Variants in LRRC8C observed in about 807,000 individuals in gnomAD.
The protein encoded by LRRC8C is volume-regulated anion channel subunit LRRC8C.
In LRRC8C, 20 loss-of-function variants were observed where a neutral mutation model predicts 55.3. That is an observed-to-expected ratio of 0.36 (90% CI 0.25 to 0.53). The LOEUF (loss-of-function observed/expected upper bound fraction) is 0.53, where lower values mean the gene tolerates loss of function less well. Ranked by LOEUF, LRRC8C falls within the 20% of genes least tolerant of loss-of-function variation. The pLI is 0.92. For synonymous variants in LRRC8C, 376 were observed against 360.7 expected (o/e 1.04, Z -0.48); for missense variants, 659 against 951.4 (o/e 0.69, Z 4.04).
At chr1:89,711,732 C>G (rs1044271813) in intron 2 of LRRC8C, among the ~76,000 whole-genome samples, 1 of 152,194 alleles carries the variant, frequency 6.6e-6, no homozygotes, top group Non-Finnish European at 1.5e-5. Context: ...ATATTCTTTT[C>G]AACAAACTGA....
At chr1:89,707,508 G>T (rs1658517560) in intron 2 of LRRC8C, among the ~76,000 whole-genome samples, 1 of 152,044 alleles carries the variant, frequency 6.6e-6, no homozygotes, top group African/African-American at 2.4e-5. Flanking sequence ...CATGGTCCCA[G>T]TTTCTGCTTC....
At chr1:89,659,296 CA>C (rs1657051440) in intron 1 of LRRC8C, among the ~76,000 whole-genome samples, 1 of 152,042 alleles carries the variant, frequency 6.6e-6, no homozygotes, top group Non-Finnish European at 1.5e-5. Flanking sequence ...AGAAGGAATT[CA>C]ACTCAGTTTT....
intron 1 of LRRC8C, among the ~76,000 whole-genome samples, chr1:89,653,614 G>A (rs1326440215): frequency 6.6e-6 from 1 of 152,186 alleles, no homozygotes; most frequent in Admixed American, 6.5e-5. Flanking sequence ...AGACATGCTG[G>A]TGCCTTGGGT....
At chr1:89,627,958 A>G in the LRRC8C span, among the ~76,000 whole-genome samples, 1 of 152,202 alleles carries the variant, frequency 6.6e-6, no homozygotes, top group Non-Finnish European at 1.5e-5. Flanking sequence ...GGTATGCTCA[A>G]CTGGTAAGTA....
intron 1 of LRRC8C, among the ~76,000 whole-genome samples, chr1:89,674,819 T>A (rs1657510473): frequency 6.6e-6 from 1 of 152,242 alleles, no homozygotes; most frequent in Non-Finnish European, 1.5e-5. Context: ...TAGATTCCTG[T>A]AAAGATTAGC....
At chr1:89,620,241 C>G in the LRRC8C span, among the ~76,000 whole-genome samples, 3 of 152,172 alleles carry the variant, frequency 2.0e-5, no homozygotes, top group South Asian at 4.1e-4. Flanking sequence ...ATAGCCTAAT[C>G]ACTTCCCAAA....
intron 1 of LRRC8C, among the ~76,000 whole-genome samples, chr1:89,675,220 C>CT: frequency 6.6e-6 from 1 of 152,226 alleles, no homozygotes; most frequent in Admixed American, 6.5e-5. Context: ...AACAAAAAAC[C>CT]TTTTTTTGAG....
At chr1:89,701,217 C>G (rs1400537247) in intron 2 of LRRC8C, among the ~76,000 whole-genome samples, 2 of 152,168 alleles carry the variant, frequency 1.3e-5, no homozygotes, top group Non-Finnish European at 2.9e-5. Context: ...TGGCTCATGC[C>G]TGTAATCCCA....
intron 2 of LRRC8C, among the ~76,000 whole-genome samples, chr1:89,701,044 G>T (rs1418499872): frequency 6.6e-6 from 1 of 152,164 alleles, no homozygotes; most frequent in African/African-American, 2.4e-5. Flanking sequence ...CATTTTGGGG[G>T]TCCAAGGCAG....
At chr1:89,711,657 G>T (rs1282638702) in intron 2 of LRRC8C, among the ~76,000 whole-genome samples, 2 of 152,096 alleles carry the variant, frequency 1.3e-5, no homozygotes, top group East Asian at 1.9e-4. Flanking sequence ...CTTCAAAAAG[G>T]GTGCATTCAT....
chr1:89,663,963 G>T (rs1657188268), intron 1 of LRRC8C, among the ~76,000 whole-genome samples: 1 of 152,086 alleles, frequency 6.6e-6, no homozygotes, highest in African/African-American at 2.4e-5. Context: ...CCCACTTTTT[G>T]ATGGTGTTGA....
intron 2 of LRRC8C, 121 bp downstream of exon 2, chr1:89,686,732 A>T (rs1268965098): frequency 2.7e-6 from 3 of 1,116,866 alleles, no homozygotes; most frequent in Admixed American, 2.2e-5. Flanking sequence ...TTCTCTGTGG[A>T]TGTATTTGTA....
At chr1:89,687,650 G>C (rs1183706070) in intron 2 of LRRC8C, among the ~76,000 whole-genome samples, 1 of 152,126 alleles carries the variant, frequency 6.6e-6, no homozygotes, top group African/African-American at 2.4e-5. Context: ...CCAGGAGAGA[G>C]GCATAGGTCA....
At chr1:89,628,242 C>T (rs1353700072), upstream of LRRC8C, among the ~76,000 whole-genome samples, 1 of 152,046 alleles carries the variant, frequency 6.6e-6, no homozygotes, top group Non-Finnish European at 1.5e-5. Context: ...AGGGGTGATT[C>T]CTTTCCTTCC....
intron 2 of LRRC8C, among the ~76,000 whole-genome samples, chr1:89,706,791 C>G (rs1658493083): frequency 6.6e-6 from 1 of 152,124 alleles, no homozygotes; most frequent in African/African-American, 2.4e-5. Flanking sequence ...TCCCCTCCCC[C>G]ATAGAAAGCA....
chr1:89,712,372 C>T (rs1202192164), intron 2 of LRRC8C, among the ~76,000 whole-genome samples: 1 of 152,202 alleles, frequency 6.6e-6, no homozygotes, highest in Non-Finnish European at 1.5e-5. Flanking sequence ...CTTGGCCTCC[C>T]AAAGTGCTTG....
the LRRC8C span, among the ~76,000 whole-genome samples, chr1:89,616,078 G>A: frequency 1.3e-5 from 2 of 152,128 alleles, no homozygotes; most frequent in African/African-American, 2.4e-5. Flanking sequence ...GTGGCCAAGT[G>A]AGACCATGGA....
chr1:89,706,630 C>T (rs1304124433), intron 2 of LRRC8C, among the ~76,000 whole-genome samples: 1 of 152,158 alleles, frequency 6.6e-6, no homozygotes, highest in Non-Finnish European at 1.5e-5. Context: ...TGCACATACT[C>T]CACTTACAGT....
At chr1:89,643,768 C>T (rs756380871) in intron 1 of LRRC8C, among the ~76,000 whole-genome samples, 64 of 152,122 alleles carry the variant, frequency 4.2e-4, no homozygotes, top group Non-Finnish European at 6.6e-4. Context: ...GAATACTAGA[C>T]ATTTTGTGAG....
Sources: gnomAD v4.1 joint callset for allele counts (sites outside exome capture counted in the v4.1 genomes callset) on GRCh38, gnomAD v4.1.1 for gene constraint, MANE v1.5 for transcripts, NCBI Gene and HGNC (gene_info 2026-07-23, HGNC 2026-07-21) for gene names.